IL17RD: variants seen among roughly 807,000 people sequenced by gnomAD.
The protein encoded by IL17RD is interleukin-17 receptor D.
A neutral mutation model predicts 80.5 loss-of-function variants in IL17RD; 52 were observed. The ratio of observed to expected loss-of-function variants is 0.65; its 90% CI spans 0.52 to 0.81. The LOEUF is 0.81. IL17RD is among the 40% of genes least tolerant of loss of function. IL17RD has a pLI of 0.00. For missense variants in IL17RD, 1,024 were observed against 955.1 expected (o/e 1.07, Z -0.95); for synonymous variants, 416 against 391.8 (o/e 1.06, Z -0.73).
chr3:57,110,278 A>G lies in IL17RD; in HGVS notation c.344T>C (p.Leu115Pro), dbSNP rs762164415. ...TCTTCCCTCCGACTTCAGCTCCTCC[A>G]GTATTACCCGAAATCCTTTCAGGAA... ...IEFLKGFRVI[L>P]EELKSEGRQC... The change falls in exon 4 of 13, where the codon CTG becomes CCG. Residue 115 changes from leucine to proline, a missense_variant. Coordinates refer to ENST00000296318, the MANE Select transcript of IL17RD (RefSeq NM_017563.5). 5 of 1,608,348 alleles carry G rather than the reference A, an allele frequency of 3.1e-6. No individual in the cohort carries two copies. The highest frequency in any genetic ancestry group is 4.2e-6 in the Non-Finnish European group (5 of 1,177,136).
intron 1 of IL17RD, among the ~76,000 whole-genome samples, chr3:57,129,996 C>T (rs1221457970): frequency 1.3e-5 from 2 of 152,370 alleles, no homozygotes; most frequent in East Asian, 1.9e-4. Context: ...CCACCTCAGG[C>T]TCCAGGTAGC....
In IL17RD at chr3:57,123,503, G is replaced by A. The variant is rs559937036; in HGVS notation, c.127-3190C>T. ...CCTATCACCCAGGTCCCCTCCCCTG[G>A]TGGGCTGCTTGCCGCATCACACTGT... On this transcript the variant is annotated intron_variant, in intron 1 of 12. Coordinates refer to ENST00000296318, the MANE Select transcript of IL17RD (RefSeq NM_017563.5). Among the ~76,000 whole-genome samples, 29 of 152,288 alleles carry A rather than the reference G, an allele frequency of 1.9e-4. 2 individuals carry two copies. In the South Asian group the frequency reaches 4.3e-3, roughly 23 times the overall value.
intron 1 of IL17RD, 33 bp from the exon 2 acceptor site, chr3:57,120,346 G>A (rs1292013671): frequency 9.0e-6 from 14 of 1,561,136 alleles, no homozygotes; most frequent in Non-Finnish European, 8.8e-6. Context: ...GATGCAGAGT[G>A]AAGCCAATTT....
intron 1 of IL17RD, among the ~76,000 whole-genome samples, chr3:57,128,395 G>T (rs1308702801): frequency 6.6e-6 from 1 of 152,054 alleles, no homozygotes; most frequent in African/African-American, 2.4e-5. Flanking sequence ...CTAATTTCAC[G>T]CTCTCCAAAG....
chr3:57,096,375 T>C lies in IL17RD; in HGVS notation c.*18A>G. The C allele has an allele frequency of 6.4e-7, 1 of 1,568,632 alleles. No individual in the cohort carries two copies. Among genetic ancestry groups the C allele is most frequent in the Non-Finnish European group, 8.8e-7 (1 of 1,138,434 alleles). On this transcript the variant is annotated 3_prime_UTR_variant, in exon 13 of 13. Coordinates refer to ENST00000296318, the MANE Select transcript of IL17RD (RefSeq NM_017563.5). The stretch of plus-strand genomic sequence containing the variant: ...GAGGCAGCAGCTAAAGTGGCAATGC[T>C]TAGACTCTTTCGTTTTGTTACAAAG...
intron 1 of IL17RD, among the ~76,000 whole-genome samples, chr3:57,154,337 A>G (rs927524562): frequency 8.0e-5 from 12 of 150,592 alleles, no homozygotes; most frequent in Admixed American, 3.3e-4. Context: ...AAAATCTCCT[A>G]TATGCCTTTC....
At chr3:57,128,323 C>A (rs953242887) in intron 1 of IL17RD, among the ~76,000 whole-genome samples, 1 of 152,144 alleles carries the variant, frequency 6.6e-6, no homozygotes, top group African/African-American at 2.4e-5. Context: ...CGCCTGTGCA[C>A]CAGACCAAAG....
At chr3:57,159,342 C>T (rs1208237739) in intron 1 of IL17RD, among the ~76,000 whole-genome samples, 1 of 152,168 alleles carries the variant, frequency 6.6e-6, no homozygotes, top group East Asian at 1.9e-4. Context: ...TTCAATCAGC[C>T]GGTGGCCCTG....
At chr3:57,141,420 T>A (rs940521321) in intron 1 of IL17RD, among the ~76,000 whole-genome samples, 2 of 152,154 alleles carry the variant, frequency 1.3e-5, no homozygotes, top group Non-Finnish European at 2.9e-5. Context: ...TGTAGCTATT[T>A]TTTGTATTGT....
intron 1 of IL17RD, among the ~76,000 whole-genome samples, chr3:57,131,687 T>C (rs1205008778): frequency 6.6e-6 from 1 of 152,202 alleles, no homozygotes; most frequent in Non-Finnish European, 1.5e-5. Context: ...TTACCCCTCA[T>C]TACCAAGACT....
At chr3:57,160,669 G>T (rs2060297892) in intron 1 of IL17RD, among the ~76,000 whole-genome samples, 1 of 152,088 alleles carries the variant, frequency 6.6e-6, no homozygotes, top group South Asian at 2.1e-4. Context: ...TCTTCTCTAA[G>T]GCCAGTGACA....
chr3:57,124,529 G>A (rs1445644042), intron 1 of IL17RD, among the ~76,000 whole-genome samples: 1 of 151,880 alleles, frequency 6.6e-6, no homozygotes, highest in Admixed American at 6.6e-5. Context: ...ATGGAGGAAG[G>A]AGGAGCTAAG....
In IL17RD at chr3:57,164,379, T is replaced by C. The variant is rs566392050; in HGVS notation, c.126+782A>G. Among the ~76,000 whole-genome samples the C allele has an allele frequency of 5.9e-5, 9 of 152,196 alleles. No individual in the cohort carries two copies. The South Asian group carries it at 1.9e-3, about 32-fold the overall frequency. On this transcript the variant is annotated intron_variant, in intron 1 of 12. Coordinates refer to ENST00000296318, the MANE Select transcript of IL17RD (RefSeq NM_017563.5). ...ACCCGCGCCCATCGCCCAGACAGTG[T>C]CAAAGGAGCGCTCGGTTCCACGAAG... is the stretch of plus-strand genomic sequence containing the variant.
chr3:57,154,260 T>TTATATATATATATA (rs751847693), intron 1 of IL17RD, among the ~76,000 whole-genome samples: 66 of 128,566 alleles, frequency 5.1e-4, no homozygotes, highest in African/African-American at 1.9e-3. Flanking sequence ...AAAAAAAAAA[T>TTATATATATATATA]TATATATATA....
Position 57,132,462 on chromosome 3 carries a change from AAAC to A in IL17RD, c.127-12152_127-12150del, listed in dbSNP as rs749597457. ...GCGACAGAGTAAGACTCTGTCTCAA[AAAC>A]AACAACAACAACAAAAACAAACAAA... On this transcript the variant is annotated intron_variant, in intron 1 of 12. Transcript: ENST00000296318. 2.7e-4 allele frequency among the ~76,000 whole-genome samples: 41 copies of A among 152,268 alleles called. No homozygotes were observed. In the South Asian group the frequency reaches 7.5e-3, roughly 28 times the overall value.
intron 1 of IL17RD, among the ~76,000 whole-genome samples, chr3:57,158,643 T>C (rs554959756): frequency 7.9e-5 from 12 of 152,320 alleles, no homozygotes; most frequent in African/African-American, 2.6e-4. Context: ...GGGAATCCAT[T>C]TTTATCATGG....
At chr3:57,137,946 C>G (rs546102697) in intron 1 of IL17RD, among the ~76,000 whole-genome samples, 121 of 152,320 alleles carry the variant, frequency 7.9e-4, no homozygotes, top group Non-Finnish European at 1.3e-3. Flanking sequence ...TCATCAACTT[C>G]CCTACAGATC....
chr3:57,109,348 T>C lies in IL17RD; in HGVS notation c.550+189A>G, dbSNP rs9835455. On this transcript the variant is annotated intron_variant, in intron 5 of 12. Coordinates refer to ENST00000296318, the MANE Select transcript of IL17RD (RefSeq NM_017563.5). ...TTTTTAGAGAGACAGGGTTTCACCA[T>C]GTTGGCCAGGCTGGTCTCGAACTCC... is the stretch of plus-strand genomic sequence containing the variant. Among the ~76,000 whole-genome samples, 130,008 of 151,964 alleles carry C rather than the reference T, an allele frequency of 0.86. 56,226 individuals carry two copies. The highest frequency in any genetic ancestry group is 0.95 in the South Asian group (4,569 of 4,814).
chr3:57,151,708 TCCCTGAG>T (rs2060223818), intron 1 of IL17RD, among the ~76,000 whole-genome samples: 1 of 152,090 alleles, frequency 6.6e-6, no homozygotes, highest in Non-Finnish European at 1.5e-5. Context: ...TTTAGCAACA[TCCCTGAG>T]CCCTTCCCAT....
Sources: gnomAD v4.1 joint callset for allele counts (sites outside exome capture counted in the v4.1 genomes callset) on GRCh38, gnomAD v4.1.1 for gene constraint, MANE v1.5 for transcripts, NCBI Gene and HGNC (gene_info 2026-07-23, HGNC 2026-07-21) for gene names.